Variants in C2CD5 observed in about 807,000 individuals in gnomAD.
C2CD5 encodes the protein C2 domain-containing protein 5.
Under a neutral mutation model 130.3 loss-of-function variants are expected in C2CD5, and 109 were observed. The ratio of observed to expected loss-of-function variants is 0.84; its 90% CI spans 0.72 to 0.98. The LOEUF (loss-of-function observed/expected upper bound fraction) is 0.98, where lower values mean the gene tolerates loss of function less well. Among genes scored for constraint, C2CD5 ranks in the 50% least tolerant of loss-of-function variants. C2CD5 has a pLI of 0.00. For synonymous variants in C2CD5, 454 were observed against 429.2 expected (o/e 1.06, Z -0.71); for missense variants, 996 against 1,261.8 (o/e 0.79, Z 3.19).
chr12:22,458,542 G>A lies in C2CD5; in HGVS notation c.2628C>T (p.Ser876=). ...CTTTCAGTTTAATGAGCTCTATCCA[G>A]CTGCTGCATCTGTCTGCAAAGGAAC... ...DYSSFADRCS[S]WIELIKLKAQ... is the part of the protein sequence containing the mutation. The change falls in exon 24 of 27, where the codon AGC becomes AGT. Residue 876 remains serine (S), a synonymous_variant. Transcript: ENST00000446597. The A allele has an allele frequency of 7.6e-7, 1 of 1,309,390 alleles. No individual in the cohort carries two copies. The highest frequency in any genetic ancestry group is 9.7e-7 in the Non-Finnish European group (1 of 1,026,712). 81.1% of individuals were successfully genotyped at this position (1,309,390 alleles called of 1,614,324 possible). A position where few individuals can be genotyped will look rare whatever the true frequency, so the allele number is the denominator to read the frequency against.
chr12:22,527,330 A>ATATT lies in C2CD5; in HGVS notation c.349+390_349+391insAATA, dbSNP rs1472237626. The stretch of plus-strand genomic sequence containing the variant: ...ATATATTATATACATATATATATAT[A>ATATT]TTTTTTTTTTTTTTTTTTGAGCTAG... On this transcript the variant is annotated intron_variant, in intron 4 of 26. Coordinates refer to ENST00000446597, the MANE Select transcript of C2CD5 (RefSeq NM_001286176.2). Among the ~76,000 whole-genome samples the ATATT allele has an allele frequency of 1.4e-3, 197 of 138,150 alleles. 1 individual carries two copies. Among genetic ancestry groups the ATATT allele is most frequent in the African/African-American group, 5.4e-3 (193 of 35,646 alleles). 90.6% of individuals were successfully genotyped at this position (138,150 alleles called of 152,430 possible).
Position 22,467,809 on chromosome 12 carries a change from A to C in C2CD5, c.2533+1900T>G, listed in dbSNP as rs559297789. ...CTTATTTTCTTGTTTTTTAGTCCAC[A>C]AAATATCATTTGGATACCGTATAGT... On this transcript the variant is annotated intron_variant, in intron 22 of 26. Transcript: ENST00000446597. Among the ~76,000 whole-genome samples the C allele has an allele frequency of 3.3e-5, 5 of 152,340 alleles. No individual in the cohort carries two copies. The South Asian group carries it at 1.0e-3, about 32-fold the overall frequency.
chr12:22,541,294 C>A (rs1035665706), intron 2 of C2CD5, among the ~76,000 whole-genome samples: 1 of 152,164 alleles, frequency 6.6e-6, no homozygotes, highest in Non-Finnish European at 1.5e-5. Context: ...ATTACCAAAT[C>A]CATCACCTTG....
intron 12 of C2CD5, among the ~76,000 whole-genome samples, chr12:22,489,051 T>C (rs1945994748): frequency 6.6e-6 from 1 of 151,832 alleles, no homozygotes; most frequent in African/African-American, 2.4e-5. Flanking sequence ...AATTTTTGTA[T>C]TTTTAGTGGA....
At chr12:22,489,943 G>A (rs961248519) in intron 12 of C2CD5, among the ~76,000 whole-genome samples, 180 bp downstream of exon 12, 1 of 152,116 alleles carries the variant, frequency 6.6e-6, no homozygotes, top group African/African-American at 2.4e-5. Context: ...ATATAGTGCA[G>A]AATCCAATAC....
Position 22,472,814 on chromosome 12 carries a change from A to G in C2CD5, c.2044-7T>C. The G allele has an allele frequency of 2.7e-6, 4 of 1,471,076 alleles. No homozygotes were observed. Among genetic ancestry groups the G allele is most frequent in the Non-Finnish European group, 2.9e-6 (3 of 1,050,434 alleles). The allele number at this position is 1,471,076 out of a possible 1,614,324, so 91.1% of individuals were successfully genotyped here. A position where few individuals can be genotyped will look rare whatever the true frequency, so the allele number is the denominator to read the frequency against. Reference sequence around the variant, plus strand: ...TGGCATCTGTGTCATCAATCTTAAAATAGAGATTAAAACTATTTTATAAGT... The same window carrying G: ...TGGCATCTGTGTCATCAATCTTAAAGTAGAGATTAAAACTATTTTATAAGT... On this transcript the variant is annotated splice_region_variant and splice_polypyrimidine_tract_variant and intron_variant, in intron 16 of 26. Coordinates refer to ENST00000446597, the MANE Select transcript of C2CD5 (RefSeq NM_001286176.2).
chr12:22,514,665 A>G (rs925693271), intron 8 of C2CD5, among the ~76,000 whole-genome samples: 5 of 152,136 alleles, frequency 3.3e-5, no homozygotes, highest in Admixed American at 3.3e-4. Flanking sequence ...TGGAGTTGGT[A>G]TGAAGGGAAA....
chr12:22,519,997 C>T lies in C2CD5; in HGVS notation c.801-1860G>A, dbSNP rs192960126. On this transcript the variant is annotated intron_variant, in intron 7 of 26. Coordinates refer to ENST00000446597, the MANE Select transcript of C2CD5 (RefSeq NM_001286176.2). ...ATTTTATAAGATATCAACATATATC[C>T]TATAATAAACCATATCTATGTGTGT... 2.6e-5 allele frequency among the ~76,000 whole-genome samples: 4 copies of T among 151,940 alleles called. No individual in the cohort carries two copies. In the East Asian group the frequency reaches 5.8e-4, roughly 22 times the overall value.
intron 9 of C2CD5, among the ~76,000 whole-genome samples, chr12:22,512,178 A>C (rs1392174244): frequency 6.6e-6 from 1 of 152,236 alleles, no homozygotes; most frequent in Non-Finnish European, 1.5e-5. Context: ...TGCTCTCTTC[A>C]GCCTTCTCTA....
At chr12:22,458,410 G>T (rs1940405349) in intron 24 of C2CD5, 74 bp downstream of exon 24, 1 of 600,888 alleles carries the variant, frequency 1.7e-6, no homozygotes, top group Non-Finnish European at 2.4e-6. Context: ...GGGTAGTAAG[G>T]TCTAGCTTTC....
intron 26 of C2CD5, among the ~76,000 whole-genome samples, chr12:22,453,393 T>C (rs1939117707): frequency 6.6e-6 from 1 of 152,210 alleles, no homozygotes; most frequent in Non-Finnish European, 1.5e-5. Context: ...TTTTAACAAT[T>C]TTAAGTGAAT....
rs1305271316 is a variant in C2CD5 at position 22,525,835 on chromosome 12, CATGGTGCAA to C, written c.350-139_350-131del. 3 of 639,502 alleles carry C rather than the reference CATGGTGCAA, an allele frequency of 4.7e-6. No individual in the cohort carries two copies. The African/African-American group carries it at 5.5e-5, about 12-fold the overall frequency. The allele number at this position is 639,502 out of a possible 1,614,324, so 39.6% of individuals were successfully genotyped here. A position where few individuals can be genotyped will look rare whatever the true frequency, so the allele number is the denominator to read the frequency against. On this transcript the variant is annotated intron_variant, in intron 4 of 26. Transcript: ENST00000446597. ...TAACTCACAATTTTTTGAACTTTAC[CATGGTGCAA>C]AACCATTCTGATTTTCACTTTCAGT...
At chr12:22,483,909 A>C (rs545642846) in intron 13 of C2CD5, among the ~76,000 whole-genome samples, 2 of 152,286 alleles carry the variant, frequency 1.3e-5, no homozygotes, top group East Asian at 3.9e-4. Context: ...TGGGGTATGA[A>C]GTAGACAGGT....
intron 12 of C2CD5, among the ~76,000 whole-genome samples, chr12:22,487,538 A>G (rs1420225435): frequency 6.6e-6 from 1 of 152,188 alleles, no homozygotes; most frequent in Non-Finnish European, 1.5e-5. Context: ...TGATCATTAA[A>G]AAGTCAGGAA....
chr12:22,512,090 T>C (rs998639912), intron 9 of C2CD5, among the ~76,000 whole-genome samples: 6 of 152,080 alleles, frequency 3.9e-5, no homozygotes, highest in Middle Eastern at 3.2e-3. Context: ...GGTGCGAGAG[T>C]AGTTGGAAGG....
intron 14 of C2CD5, among the ~76,000 whole-genome samples, chr12:22,481,649 CTTTTTTTTTTTTTT>C (rs34990025): frequency 5.2e-4 from 61 of 116,436 alleles, no homozygotes; most frequent in African/African-American, 1.8e-3. Context: ...AGAAACACAC[CTTTTTTTTTTTTTT>C]TTTTTTTTTG....
At chr12:22,484,585 T>C in intron 13 of C2CD5, 112 bp downstream of exon 13, 1 of 486,546 alleles carries the variant, frequency 2.1e-6, no homozygotes, top group East Asian at 3.2e-5. Context: ...ATTGTCCAGT[T>C]TGTGCAGGAT....
chr12:22,474,633 C>T, intron 16 of C2CD5, 118 bp downstream of exon 16: 3 of 662,692 alleles, frequency 4.5e-6, no homozygotes, highest in Non-Finnish European at 6.8e-6. Flanking sequence ...TATATAATAA[C>T]TTTTTAAATA....
chr12:22,503,712 A>G (rs570050450), intron 10 of C2CD5, among the ~76,000 whole-genome samples: 1 of 152,152 alleles, frequency 6.6e-6, no homozygotes, highest in South Asian at 2.1e-4. Flanking sequence ...GGGTTTCACC[A>G]TGCTGCCCAG....
Sources: gnomAD v4.1 joint callset for allele counts (sites outside exome capture counted in the v4.1 genomes callset) on GRCh38, gnomAD v4.1.1 for gene constraint, MANE v1.5 for transcripts, NCBI Gene and HGNC (gene_info 2026-07-23, HGNC 2026-07-21) for gene names.